CNTNAP5: variants seen among roughly 807,000 people sequenced by gnomAD.
The protein encoded by CNTNAP5 is contactin associated protein family member 5.
A neutral mutation model predicts 150.2 loss-of-function variants in CNTNAP5; 72 were observed. The ratio of observed to expected loss-of-function variants is 0.48; its 90% CI spans 0.40 to 0.58. The LOEUF is 0.58. Among genes scored for constraint, CNTNAP5 ranks in the 20% least tolerant of loss-of-function variants. CNTNAP5 has a pLI of 0.00. For synonymous variants in CNTNAP5, 672 were observed against 619.8 expected, an observed-to-expected ratio of 1.08 and a Z score of -1.25; for missense variants, 1,636 against 1,626.2, an observed-to-expected ratio of 1.01 and a Z score of -0.10.
In CNTNAP5 at chr2:124,915,557, A is replaced by G. The variant is rs964212072; in HGVS notation, c.*1269A>G. 1.1e-4 allele frequency among the ~76,000 whole-genome samples: 16 copies of G among 152,006 alleles called. No individual in the cohort carries two copies. Among genetic ancestry groups the G allele is most frequent in the African/African-American group, 3.9e-4 (16 of 41,416 alleles). ...ACCTCTAGCTAACTAGCATTGCTTG[A>G]TTTCAGAGGAGCCCTTAGGTTCTGT... On this transcript the variant is annotated 3_prime_UTR_variant, in exon 24 of 24. Transcript: ENST00000682447.
At chr2:124,666,251 T>A (rs1286548797) in intron 13 of CNTNAP5, among the ~76,000 whole-genome samples, 2 of 152,130 alleles carry the variant, frequency 1.3e-5, no homozygotes, top group Non-Finnish European at 2.9e-5. Context: ...GCTTAGAGGT[T>A]ATAGGTGGAT....
intron 19 of CNTNAP5, among the ~76,000 whole-genome samples, chr2:124,831,664 C>T (rs762057463): frequency 2.8e-4 from 42 of 150,994 alleles, no homozygotes; most frequent in Admixed American, 1.6e-3. Context: ...AAATAATTTC[C>T]TAATTTTTAG....
intron 7 of CNTNAP5, among the ~76,000 whole-genome samples, chr2:124,490,347 A>AGAAG (rs1426916219): frequency 6.9e-6 from 1 of 144,244 alleles, no homozygotes; most frequent in Non-Finnish European, 1.5e-5. Flanking sequence ...GAAAAAAAAA[A>AGAAG]GAAGAAAGAA....
At chr2:124,848,751 G>A (rs901906901) in intron 19 of CNTNAP5, among the ~76,000 whole-genome samples, 15 of 152,170 alleles carry the variant, frequency 9.9e-5, no homozygotes, top group Non-Finnish European at 1.6e-4. Context: ...CTGATGAGTA[G>A]CGATATTGAG....
chr2:124,063,455 T>C (rs1682066882), intron 1 of CNTNAP5, among the ~76,000 whole-genome samples: 1 of 152,154 alleles, frequency 6.6e-6, no homozygotes, highest in Admixed American at 6.6e-5. Context: ...AACCTTCTCA[T>C]GCTTAGGAAT....
rs550402099 is a variant in CNTNAP5, at chr2:124,692,711, T to C, written c.2077+44753T>C. ...TTACTAATTTTGAGAAAGAAAATACTAGCACAGACTAAGCAAAGTTAAGTA... is the reference window on the plus strand; with the variant it reads ...TTACTAATTTTGAGAAAGAAAATACCAGCACAGACTAAGCAAAGTTAAGTA... On this transcript the variant is annotated intron_variant, in intron 13 of 23. Coordinates refer to ENST00000682447, the MANE Select transcript of CNTNAP5 (RefSeq NM_001367498.1). Among the ~76,000 whole-genome samples the C allele has an allele frequency of 3.9e-5, 6 of 152,296 alleles. No individual in the cohort carries two copies. In the South Asian group the frequency reaches 1.2e-3, roughly 32 times the overall value.
intron 1 of CNTNAP5, among the ~76,000 whole-genome samples, chr2:124,125,701 A>AT (rs1683675988): frequency 6.6e-6 from 1 of 152,192 alleles, no homozygotes; most frequent in South Asian, 2.1e-4. Context: ...AACAGAAATT[A>AT]TAACAAACTG....
At chr2:124,087,404 T>A (rs1682716228) in intron 1 of CNTNAP5, among the ~76,000 whole-genome samples, 1 of 151,756 alleles carries the variant, frequency 6.6e-6, no homozygotes. Flanking sequence ...TCATCTGAGG[T>A]TTTTAAAATT....
At chr2:124,276,797 G>A (rs1687893412) in intron 3 of CNTNAP5, among the ~76,000 whole-genome samples, 1 of 152,094 alleles carries the variant, frequency 6.6e-6, no homozygotes, top group Non-Finnish European at 1.5e-5. Context: ...GCACCCAGGG[G>A]ACAAACACCA....
chr2:124,880,604 C>T (rs1170904071), intron 21 of CNTNAP5, among the ~76,000 whole-genome samples: 1 of 152,030 alleles, frequency 6.6e-6, no homozygotes, highest in Non-Finnish European at 1.5e-5. Flanking sequence ...CAGTAAATTG[C>T]TCCCTAACAT....
intron 11 of CNTNAP5, among the ~76,000 whole-genome samples, chr2:124,577,658 A>T (rs1696315943): frequency 6.6e-6 from 1 of 152,186 alleles, no homozygotes; most frequent in Non-Finnish European, 1.5e-5. Context: ...GCAAGATTGT[A>T]CATGGTCAGA....
chr2:124,786,566 CAGAG>C (rs746876373), intron 17 of CNTNAP5, among the ~76,000 whole-genome samples: 35 of 145,208 alleles, frequency 2.4e-4, no homozygotes, highest in South Asian at 6.7e-4. Context: ...AGAAAGAAGA[CAGAG>C]AGAAAGAAAG....
At chr2:124,399,432 C>T (rs1481724487) in intron 3 of CNTNAP5, among the ~76,000 whole-genome samples, 1 of 152,108 alleles carries the variant, frequency 6.6e-6, no homozygotes, top group African/African-American at 2.4e-5. Flanking sequence ...CTCAAAGATT[C>T]CCATTCAGGG....
At chr2:124,608,410 C>G (rs1677301710) in intron 11 of CNTNAP5, among the ~76,000 whole-genome samples, 1 of 152,112 alleles carries the variant, frequency 6.6e-6, no homozygotes, top group Non-Finnish European at 1.5e-5. Flanking sequence ...TCAAAGCTCC[C>G]TATCTCAGGA....
intron 3 of CNTNAP5, among the ~76,000 whole-genome samples, chr2:124,341,583 G>A (rs1415432957): frequency 6.6e-6 from 1 of 152,124 alleles, no homozygotes; most frequent in Non-Finnish European, 1.5e-5. Context: ...AGGAAGTGGT[G>A]TTTACAGAGC....
chr2:124,733,398 A>G (rs1680315666), intron 13 of CNTNAP5, among the ~76,000 whole-genome samples: 1 of 152,166 alleles, frequency 6.6e-6, no homozygotes, highest in Admixed American at 6.6e-5. Context: ...GTTAGAGAAG[A>G]CTTCTTATGG....
At chr2:124,912,909 C>T (rs928673407) in intron 23 of CNTNAP5, among the ~76,000 whole-genome samples, 8 of 152,012 alleles carry the variant, frequency 5.3e-5, no homozygotes, top group African/African-American at 1.9e-4. Context: ...CACTCACTAC[C>T]ACCCAGTTTA....
At chr2:124,753,115 G>T (rs1680765564) in intron 14 of CNTNAP5, among the ~76,000 whole-genome samples, 1 of 152,110 alleles carries the variant, frequency 6.6e-6, no homozygotes, top group Admixed American at 6.6e-5. Flanking sequence ...CTCGCCCTTA[G>T]TGTACCCTTG....
chr2:124,764,658 G>C (rs948780587), intron 16 of CNTNAP5, among the ~76,000 whole-genome samples: 2 of 152,100 alleles, frequency 1.3e-5, no homozygotes, highest in African/African-American at 4.8e-5. Context: ...CTTGATGCCA[G>C]GATGTGGATC....
Sources: allele counts gnomAD v4.1 joint callset (sites outside exome capture counted in the v4.1 genomes callset), GRCh38; gene constraint gnomAD v4.1.1; transcripts MANE v1.5; gene names NCBI Gene and HGNC (gene_info 2026-07-23, HGNC 2026-07-21).